RARB: variants seen among roughly 807,000 people sequenced by gnomAD.
The protein encoded by RARB is HBV-activated protein.
In RARB, 17 loss-of-function variants were observed where a neutral mutation model predicts 51.9. That is an observed-to-expected ratio of 0.33 (90% CI 0.22 to 0.49). RARB has a LOEUF of 0.49. Among genes scored for constraint, RARB ranks in the 20% least tolerant of loss-of-function variants. RARB has a pLI of 0.99. For synonymous variants in RARB, 215 were observed against 195.4 expected (o/e 1.10, Z -0.84); for missense variants, 369 against 550.8 (o/e 0.67, Z 3.30).
intron 4 of RARB, among the ~76,000 whole-genome samples, chr3:25,163,504 A>AATATATATATATATATATATAT (rs138389529): frequency 1.8e-3 from 241 of 130,928 alleles, no homozygotes; most frequent in Middle Eastern, 3.8e-3. Context: ...CCTATCTCAA[A>AATATATATATATATATATATAT]ATATATATAT....
chr3:24,853,832 C>A (rs1702596414), intron 1 of RARB, among the ~76,000 whole-genome samples: 1 of 152,128 alleles, frequency 6.6e-6, no homozygotes, highest in Non-Finnish European at 1.5e-5. Context: ...AATATTCCCC[C>A]AGAAAATGAT....
At chr3:25,429,348 A>G (rs1708110267) in intron 1 of RARB, among the ~76,000 whole-genome samples, 1 of 152,230 alleles carries the variant, frequency 6.6e-6, no homozygotes, top group African/African-American at 2.4e-5. Context: ...AGTCCAAAGT[A>G]ATTAAAATAT....
upstream of RARB, among the ~76,000 whole-genome samples, chr3:25,424,425 G>A (rs1707934891): frequency 6.6e-6 from 1 of 152,212 alleles, no homozygotes; most frequent in South Asian, 2.1e-4. Context: ...CCTGGGAAGA[G>A]CCTCATACTT....
At chr3:25,311,889 A>G (rs993219020) in intron 5 of RARB, among the ~76,000 whole-genome samples, 3 of 151,956 alleles carry the variant, frequency 2.0e-5, no homozygotes, top group South Asian at 4.1e-4. Context: ...CTCCTGGTTG[A>G]CCTCCTAAGA....
At chr3:25,247,632 C>A (rs1272840630) in intron 5 of RARB, among the ~76,000 whole-genome samples, 1 of 152,214 alleles carries the variant, frequency 6.6e-6, no homozygotes, top group African/African-American at 2.4e-5. Context: ...TGCTTCTGCT[C>A]ATCCTCCATG....
At chr3:24,929,179 C>T (rs904378985) in intron 2 of RARB, among the ~76,000 whole-genome samples, 4 of 151,906 alleles carry the variant, frequency 2.6e-5, no homozygotes, top group South Asian at 2.1e-4. Context: ...ATAAAGGGAA[C>T]GTATTTTCAA....
intron 2 of RARB, chr3:25,020,497 T>C (rs1175092013): frequency 1.3e-5 from 2 of 152,170 alleles, no homozygotes. Context: ...ATAATCACTT[T>C]ATTTTGAATA....
intron 2 of RARB, among the ~76,000 whole-genome samples, chr3:24,868,032 C>T (rs1372412477): frequency 6.6e-6 from 1 of 152,140 alleles, no homozygotes; most frequent in Non-Finnish European, 1.5e-5. Flanking sequence ...AATTCCATAT[C>T]TCTGGACGGC....
chr3:24,937,300 T>A (rs1286631915), intron 2 of RARB, among the ~76,000 whole-genome samples: 1 of 152,154 alleles, frequency 6.6e-6, no homozygotes, highest in Non-Finnish European at 1.5e-5. Context: ...GTTAGAGAAT[T>A]CGCTTCTATG....
At chr3:25,365,104 C>T (rs1450143840) in intron 5 of RARB, among the ~76,000 whole-genome samples, 1 of 150,954 alleles carries the variant, frequency 6.6e-6, no homozygotes, top group Non-Finnish European at 1.5e-5. Context: ...TGTGGCAGTA[C>T]AGAAAATGAG....
chr3:25,267,113 G>C (rs1703144707), intron 5 of RARB, among the ~76,000 whole-genome samples: 1 of 152,202 alleles, frequency 6.6e-6, no homozygotes, highest in South Asian at 2.1e-4. Context: ...CAAGTGATCT[G>C]ATACAACAGA....
intron 2 of RARB, among the ~76,000 whole-genome samples, chr3:24,966,551 A>C (rs1344989034): frequency 6.6e-6 from 1 of 151,924 alleles, no homozygotes; most frequent in Non-Finnish European, 1.5e-5. Context: ...GATTAAGTAC[A>C]GGAATGTCAA....
At chr3:25,443,040 G>A (rs964106575) in intron 1 of RARB, among the ~76,000 whole-genome samples, 1 of 152,044 alleles carries the variant, frequency 6.6e-6, no homozygotes, top group Non-Finnish European at 1.5e-5. Context: ...GCTCTCCCCC[G>A]GGTGCCTCCT....
intron 5 of RARB, among the ~76,000 whole-genome samples, chr3:25,412,588 C>G (rs1331206306): frequency 1.3e-5 from 2 of 152,228 alleles, no homozygotes. Flanking sequence ...TCTGAGTCAT[C>G]TGTCCACTCT....
intron 2 of RARB, among the ~76,000 whole-genome samples, chr3:24,987,595 C>G (rs1300382720): frequency 1.3e-5 from 2 of 152,190 alleles, no homozygotes. Context: ...AGACTTATAT[C>G]CCTCCTGAGG....
chr3:25,282,559 T>A (rs1019285013), intron 5 of RARB, among the ~76,000 whole-genome samples: 1 of 152,192 alleles, frequency 6.6e-6, no homozygotes, highest in Non-Finnish European at 1.5e-5. Context: ...AGGTAGGATT[T>A]TGTGTCTCTT....
intron 5 of RARB, among the ~76,000 whole-genome samples, chr3:25,418,552 C>T (rs556190976): frequency 6.6e-6 from 1 of 152,194 alleles, no homozygotes; most frequent in Admixed American, 6.5e-5. Flanking sequence ...TTCTTCACTC[C>T]AGTCTCAGAG....
At chr3:25,190,672 A>C (rs1475768242) in intron 5 of RARB, among the ~76,000 whole-genome samples, 1 of 152,142 alleles carries the variant, frequency 6.6e-6, no homozygotes, top group African/African-American at 2.4e-5. Context: ...CTAGTTTCAA[A>C]TGATAAATGC....
At chr3:25,319,991 A>G (rs112708462) in intron 5 of RARB, among the ~76,000 whole-genome samples, 151 of 150,822 alleles carry the variant, frequency 1.0e-3, no homozygotes, top group African/African-American at 3.5e-3. Flanking sequence ...CAGTGGGGAC[A>G]TTTTCTCTGT....
Sources: gnomAD v4.1 joint callset for allele counts (sites outside exome capture counted in the v4.1 genomes callset) on GRCh38, gnomAD v4.1.1 for gene constraint, MANE v1.5 for transcripts, NCBI Gene and HGNC (gene_info 2026-07-23, HGNC 2026-07-21) for gene names.